RAB3C: variants seen among roughly 807,000 people sequenced by gnomAD.
RAB3C encodes the protein ras-related protein Rab-3C.
Under a neutral mutation model 26.4 loss-of-function variants are expected in RAB3C, and 17 were observed. That is an observed-to-expected ratio of 0.64 (90% confidence interval 0.44 to 0.97). RAB3C has a LOEUF of 0.97. RAB3C is among the 50% of genes least tolerant of loss of function. The probability of loss-of-function intolerance (pLI) is 0.00; values close to 1 mark genes in which losing one functional copy is unlikely to be tolerated. For synonymous variants in RAB3C, 91 were observed against 95.9 expected, an observed-to-expected ratio of 0.95 and a Z score of 0.30; for missense variants, 242 against 281.9, an observed-to-expected ratio of 0.86 and a Z score of 1.01.
chr5:58,663,548 G>C (rs925192604), intron 2 of RAB3C, among the ~76,000 whole-genome samples: 1 of 150,236 alleles, frequency 6.7e-6, no homozygotes, highest in Non-Finnish European at 1.5e-5. Flanking sequence ...TGAAATAGAA[G>C]GGAAAGATTT....
chr5:58,687,281 A>G (rs1296235549), intron 2 of RAB3C, among the ~76,000 whole-genome samples: 1 of 152,170 alleles, frequency 6.6e-6, no homozygotes, highest in East Asian at 1.9e-4. Context: ...TTTAAAAGAG[A>G]GGGAACCATG....
At chr5:58,621,035 T>C (rs1746926433) in intron 2 of RAB3C, among the ~76,000 whole-genome samples, 1 of 152,232 alleles carries the variant, frequency 6.6e-6, no homozygotes, top group African/African-American at 2.4e-5. Flanking sequence ...TTTGGAAATA[T>C]ATTTAGCACA....
chr5:58,642,703 A>C (rs557900815), intron 2 of RAB3C, among the ~76,000 whole-genome samples: 1 of 152,318 alleles, frequency 6.6e-6, no homozygotes, highest in Admixed American at 6.5e-5. Flanking sequence ...ACATTTTTAA[A>C]GTCATATATG....
intron 1 of RAB3C, among the ~76,000 whole-genome samples, chr5:58,605,679 C>T (rs1337858477): frequency 6.6e-6 from 1 of 152,168 alleles, no homozygotes; most frequent in Admixed American, 6.5e-5. Flanking sequence ...AGGAGGATCT[C>T]TTGAGGTCAG....
chr5:58,751,913 A>C (rs1741536130), intron 3 of RAB3C, among the ~76,000 whole-genome samples: 1 of 152,228 alleles, frequency 6.6e-6, no homozygotes, highest in African/African-American at 2.4e-5. Context: ...TACATAAAAA[A>C]GCAAGGGCAG....
intron 2 of RAB3C, among the ~76,000 whole-genome samples, chr5:58,648,206 CAG>C (rs566912351): frequency 0.088 from 13,332 of 152,160 alleles, 657 homozygotes; most frequent in East Asian, 0.18. Context: ...CAGAAGACCC[CAG>C]GTTGGCCTCC....
intron 3 of RAB3C, among the ~76,000 whole-genome samples, chr5:58,750,439 C>T (rs1285558360): frequency 3.3e-5 from 5 of 152,022 alleles, no homozygotes; most frequent in African/African-American, 1.2e-4. Flanking sequence ...GAATCATTGC[C>T]TGGCCTTGGC....
intron 4 of RAB3C, among the ~76,000 whole-genome samples, chr5:58,844,155 T>G (rs1369797738): frequency 6.6e-6 from 1 of 152,124 alleles, no homozygotes; most frequent in Non-Finnish European, 1.5e-5. Context: ...GATGCAAAGT[T>G]TCTTTCTGGG....
chr5:58,702,578 C>T lies in RAB3C; in HGVS notation c.253-23424C>T, dbSNP rs368322417. On this transcript the variant is annotated intron_variant, in intron 2 of 4. Transcript: ENST00000282878. ...GTCTCTCATTCTCCTTTCTCTCTCT[C>T]TCTTTCTTTTTCTTTCTCTCTCTCC... is the stretch of plus-strand genomic sequence containing the variant. 8.6e-3 allele frequency among the ~76,000 whole-genome samples: 926 copies of T among 107,764 alleles called. 10 individuals are homozygous for T. Among genetic ancestry groups the T allele is most frequent in the African/African-American group, 0.033 (876 of 26,282 alleles). The allele number at this position is 107,764 out of a possible 152,430, so 70.7% of individuals were successfully genotyped here.
chr5:58,591,304 A>G (rs545362667), intron 1 of RAB3C, among the ~76,000 whole-genome samples: 1 of 152,136 alleles, frequency 6.6e-6, no homozygotes, highest in African/African-American at 2.4e-5. Context: ...TTTTTGGTCT[A>G]TTTATACTAT....
intron 3 of RAB3C, among the ~76,000 whole-genome samples, chr5:58,765,121 C>G (rs944015641): frequency 6.6e-6 from 1 of 152,056 alleles, no homozygotes; most frequent in African/African-American, 2.4e-5. Flanking sequence ...AGAATCAGAT[C>G]GAACAACTGA....
intron 3 of RAB3C, among the ~76,000 whole-genome samples, chr5:58,807,317 TC>T (rs1268590369): frequency 6.6e-6 from 1 of 152,186 alleles, no homozygotes; most frequent in Non-Finnish European, 1.5e-5. Context: ...CCAGAGTTTT[TC>T]CCATCATAAT....
At chr5:58,669,463 C>T (rs1748069098) in intron 2 of RAB3C, among the ~76,000 whole-genome samples, 1 of 152,128 alleles carries the variant, frequency 6.6e-6, no homozygotes, top group South Asian at 2.1e-4. Flanking sequence ...ATCCAACCCA[C>T]TTCCCAACAA....
rs773203042 is a variant in RAB3C at position 58,856,909 on chromosome 5, C to T, written c.*5558C>T. 2 of 152,160 alleles carry T rather than the reference C, an allele frequency of 1.3e-5. No homozygotes were observed. Among genetic ancestry groups the T allele is most frequent in the Non-Finnish European group, 2.9e-5 (2 of 68,038 alleles). The allele number at this position is 152,160 out of a possible 1,614,324, so 9.4% of individuals were successfully genotyped here. A position where few individuals can be genotyped will look rare whatever the true frequency, so the allele number is the denominator to read the frequency against. The stretch of plus-strand genomic sequence containing the variant: ...AGGATACGTGCTAAAGGAAAACTGT[C>T]CTGTAATTCCTGTTAATATATTGTT... On this transcript the variant is annotated 3_prime_UTR_variant, in exon 5 of 5. Coordinates refer to ENST00000282878, the MANE Select transcript of RAB3C (RefSeq NM_138453.4).
chr5:58,674,620 A>G (rs1748186302), intron 2 of RAB3C, among the ~76,000 whole-genome samples: 1 of 152,254 alleles, frequency 6.6e-6, no homozygotes, highest in Admixed American at 6.5e-5. Flanking sequence ...ATACAATACA[A>G]TAATGCAATA....
intron 2 of RAB3C, among the ~76,000 whole-genome samples, chr5:58,643,661 G>A (rs1747457534): frequency 6.6e-6 from 1 of 152,092 alleles, no homozygotes. Flanking sequence ...GGGCGATAGA[G>A]TGAGAAACTC....
intron 2 of RAB3C, among the ~76,000 whole-genome samples, chr5:58,670,801 G>A (rs186851967): frequency 1.3e-5 from 2 of 152,194 alleles, no homozygotes; most frequent in Non-Finnish European, 1.5e-5. Context: ...CCAACTTCAA[G>A]GTCAAAGTCA....
intron 3 of RAB3C, among the ~76,000 whole-genome samples, chr5:58,745,255 G>T (rs892279696): frequency 2.0e-5 from 3 of 151,654 alleles, no homozygotes; most frequent in Non-Finnish European, 4.4e-5. Context: ...AAAATTAGCC[G>T]GGCATAGTGG....
At chr5:58,596,656 C>A (rs1328379018) in intron 1 of RAB3C, among the ~76,000 whole-genome samples, 4 of 56,132 alleles carry the variant, frequency 7.1e-5, no homozygotes, top group Non-Finnish European at 1.3e-4. Context: ...ATATATAATA[C>A]ATAATATATT....
Sources: allele counts gnomAD v4.1 joint callset (sites outside exome capture counted in the v4.1 genomes callset), GRCh38; gene constraint gnomAD v4.1.1; transcripts MANE v1.5; gene names NCBI Gene and HGNC (gene_info 2026-07-23, HGNC 2026-07-21).